GNAL: variants seen among roughly 807,000 people sequenced by gnomAD.
GNAL encodes the protein guanine nucleotide-binding protein G(olf) subunit alpha.
GNAL carries 18 observed loss-of-function variants against 55.1 expected under a neutral mutation model. That is an observed-to-expected ratio of 0.33 (90% confidence interval 0.23 to 0.48). GNAL has a LOEUF of 0.48. Among genes scored for constraint, GNAL ranks in the 20% least tolerant of loss-of-function variants. The pLI, the probability that GNAL is intolerant of heterozygous loss-of-function variation, is 0.99. For missense variants in GNAL, 412 were observed against 614.1 expected (o/e 0.67, Z 3.48); for synonymous variants, 253 against 237.0 (o/e 1.07, Z -0.62).
chr18:11,755,710 A>C lies in GNAL; in HGVS notation c.624+1765A>C, dbSNP rs1043020667. On this transcript the variant is annotated intron_variant, in intron 4 of 11. Transcript: ENST00000334049. ...GAGTGAGGAGTGGCACACTGGCTGGAAGAAGGGGCTGGGCATCTGGCCCCA... is the reference window on the plus strand; with the variant it reads ...GAGTGAGGAGTGGCACACTGGCTGGCAGAAGGGGCTGGGCATCTGGCCCCA... Among the ~76,000 whole-genome samples, 6 of 152,290 alleles carry C rather than the reference A, an allele frequency of 3.9e-5. No homozygotes were observed. The South Asian group carries it at 8.3e-4, about 21-fold the overall frequency.
intron 11 of GNAL, among the ~76,000 whole-genome samples, chr18:11,880,196 G>T (rs1324019299): frequency 1.3e-5 from 2 of 151,398 alleles, no homozygotes; most frequent in Non-Finnish European, 2.9e-5. Flanking sequence ...GGCAGAGGTT[G>T]CAGTGAGCCG....
chr18:11,740,646 C>G (rs974341130), intron 1 of GNAL, among the ~76,000 whole-genome samples: 3 of 152,200 alleles, frequency 2.0e-5, no homozygotes, highest in Non-Finnish European at 4.4e-5. Flanking sequence ...TGTGTGTTGC[C>G]TCTTCCTTTC....
intron 5 of GNAL, among the ~76,000 whole-genome samples, chr18:11,846,464 TACACACACAC>T (rs57334090): frequency 4.3e-5 from 6 of 140,096 alleles, no homozygotes; most frequent in Non-Finnish European, 7.6e-5. Context: ...TATATAAATA[TACACACACAC>T]ACACACACAC....
chr18:11,818,969 C>T (rs1427591503), intron 4 of GNAL, among the ~76,000 whole-genome samples: 2 of 152,228 alleles, frequency 1.3e-5, no homozygotes, highest in Non-Finnish European at 2.9e-5. Context: ...GGGCAGGGCT[C>T]AGTGTGGACC....
intron 1 of GNAL, among the ~76,000 whole-genome samples, chr18:11,712,212 T>C (rs1299406978): frequency 6.6e-6 from 1 of 152,236 alleles, no homozygotes; most frequent in Non-Finnish European, 1.5e-5. Flanking sequence ...TGAAGCAAGA[T>C]ATAAATTGGT....
intron 1 of GNAL, among the ~76,000 whole-genome samples, chr18:11,696,787 T>G (rs1001625843): frequency 5.3e-5 from 8 of 152,212 alleles, no homozygotes; most frequent in African/African-American, 1.9e-4. Flanking sequence ...TTCACATGAT[T>G]AATACTGGCC....
chr18:11,786,436 C>CCTTTTTTTTTTTTTT (rs2034059621), intron 4 of GNAL, among the ~76,000 whole-genome samples: 1 of 60,616 alleles, frequency 1.6e-5, no homozygotes, highest in African/African-American at 7.0e-5. Flanking sequence ...CATACGTTTT[C>CCTTTTTTTTTTTTTT]TTTTTTTTTT....
In GNAL at chr18:11,884,184, T is replaced by C. The variant is rs2036838775; in HGVS notation, c.*3049T>C. ...GACGACATTAATAGCATTTACATAC[T>C]GTACAGATGCAACCTTTGATGATAC... On this transcript the variant is annotated 3_prime_UTR_variant, in exon 12 of 12. Transcript: ENST00000334049. 2.5e-6 allele frequency: 1 copy of C among 407,168 alleles called. No individual in the cohort carries two copies. The highest frequency in any genetic ancestry group is 2.0e-5 in the African/African-American group (1 of 50,114). 25.2% of individuals were successfully genotyped at this position (407,168 alleles called of 1,614,324 possible). A position where few individuals can be genotyped will look rare whatever the true frequency, so the allele number is the denominator to read the frequency against.
intron 10 of GNAL, among the ~76,000 whole-genome samples, chr18:11,873,633 C>T (rs2036450731): frequency 1.3e-5 from 2 of 152,238 alleles, no homozygotes; most frequent in South Asian, 2.1e-4. Flanking sequence ...AATCTCATTG[C>T]AGTTCATCAC....
intron 4 of GNAL, among the ~76,000 whole-genome samples, chr18:11,769,835 A>G (rs967030221): frequency 2.0e-5 from 3 of 152,216 alleles, no homozygotes; most frequent in Admixed American, 2.0e-4. Flanking sequence ...CATGTCTAAA[A>G]TATACACACA....
At chr18:11,840,875 C>CT (rs112505457) in intron 5 of GNAL, among the ~76,000 whole-genome samples, 1,561 of 136,986 alleles carry the variant, frequency 0.011, 13 homozygotes, top group African/African-American at 0.015. Flanking sequence ...TTTTTCTTTT[C>CT]TTTTTTTTTT....
At chr18:11,818,575 G>T (rs1297612189) in intron 4 of GNAL, among the ~76,000 whole-genome samples, 1 of 152,184 alleles carries the variant, frequency 6.6e-6, no homozygotes, top group African/African-American at 2.4e-5. Context: ...TGCTCACAAA[G>T]TTACAATACA....
At chr18:11,750,770 G>A (rs79585937) in intron 1 of GNAL, among the ~76,000 whole-genome samples, 9,280 of 152,218 alleles carry the variant, frequency 0.061, 410 homozygotes, top group African/African-American at 0.12. Flanking sequence ...TCTTGGCTGC[G>A]GTGGGCAGGA....
intron 4 of GNAL, among the ~76,000 whole-genome samples, chr18:11,799,699 AAT>A (rs1296252780): frequency 1.3e-5 from 2 of 152,160 alleles, no homozygotes; most frequent in Non-Finnish European, 2.9e-5. Flanking sequence ...CAATATATGA[AAT>A]ACTTTTGGCC....
At chr18:11,753,498 G>A in intron 2 of GNAL, 130 bp from the exon 3 acceptor site, 2 of 620,504 alleles carry the variant, frequency 3.2e-6, no homozygotes, top group Non-Finnish European at 5.8e-6. Flanking sequence ...GGATGTCTTG[G>A]GGGTTGATAC....
intron 4 of GNAL, among the ~76,000 whole-genome samples, chr18:11,811,929 T>C (rs2034828375): frequency 1.3e-5 from 2 of 152,252 alleles, no homozygotes; most frequent in South Asian, 4.1e-4. Context: ...CGTGATTCTT[T>C]GAATCTTTTT....
In GNAL at chr18:11,881,439, G is replaced by GAA. The variant is rs1431008657; in HGVS notation, c.*305_*306dup. On this transcript the variant is annotated 3_prime_UTR_variant, in exon 12 of 12. Coordinates refer to ENST00000334049, the MANE Select transcript of GNAL (RefSeq NM_182978.4). This position sits in a 1 kb window ranked among gnomAD's most constrained non-coding sequence, Gnocchi z 4.8. ...TCTCCCTTTATTGATTCATCGAGGA[G>GAA]AACTTGGTAGATGGGGAGAAAACAC... 7.4e-6 allele frequency: 2 copies of GAA among 268,942 alleles called. No homozygotes were observed. Among genetic ancestry groups the GAA allele is most frequent in the African/African-American group, 4.3e-5 (2 of 46,014 alleles). The allele number at this position is 268,942 out of a possible 1,614,324, so 16.7% of individuals were successfully genotyped here.
chr18:11,805,928 G>GT (rs1159619845), intron 4 of GNAL, among the ~76,000 whole-genome samples: 3 of 152,148 alleles, frequency 2.0e-5, no homozygotes, highest in Admixed American at 6.5e-5. Flanking sequence ...TCTCCATACT[G>GT]TTTTCCATAG....
In GNAL at chr18:11,751,787, C is replaced by G. The variant is rs1035728399; in HGVS notation, c.377-1066C>G. The G allele has an allele frequency of 2.4e-6, 1 of 420,290 alleles. No individual in the cohort carries two copies. The highest frequency in any genetic ancestry group is 3.2e-6 in the Non-Finnish European group (1 of 313,092). The allele number at this position is 420,290 out of a possible 1,614,324, so 26.0% of individuals were successfully genotyped here. ...CGCGGTAGCGCCTCTCCGAGAGCTC[C>G]GGGACCAGCGGCCCGGCCGCCCCCA... On this transcript the variant is annotated intron_variant, in intron 1 of 11. Coordinates refer to ENST00000334049, the MANE Select transcript of GNAL (RefSeq NM_182978.4). The surrounding 1 kb of genome is among the most constrained non-coding windows in gnomAD (Gnocchi z 4.5).
Sources: gnomAD v4.1 joint callset for allele counts (sites outside exome capture counted in the v4.1 genomes callset) on GRCh38, gnomAD v4.1.1 for gene constraint, Gnocchi (gnomAD v3.1) non-coding constraint, MANE v1.5 for transcripts, NCBI Gene and HGNC (gene_info 2026-07-23, HGNC 2026-07-21) for gene names.